The following TMTC2 variants were observed in gnomAD, a reference collection of about 807,000 sequenced individuals.
TMTC2 encodes transmembrane O-mannosyltransferase targeting cadherins 2, also known as protein O-mannosyl-transferase TMTC2.
A neutral mutation model predicts 82.4 loss-of-function variants in TMTC2; 43 were observed. The observed-to-expected ratio is 0.52, with a 90% CI of 0.41 to 0.67. TMTC2 has a LOEUF of 0.67. Among genes scored for constraint, TMTC2 ranks in the 30% least tolerant of loss-of-function variants. The pLI, the probability that TMTC2 is intolerant of heterozygous loss-of-function variation, is 0.00. For synonymous variants in TMTC2, 408 were observed against 381.9 expected, an observed-to-expected ratio of 1.07 and a Z score of -0.80; for missense variants, 919 against 1,012.4, an observed-to-expected ratio of 0.91 and a Z score of 1.25.
At chr12:83,038,930 T>G (rs1423924847) in intron 9 of TMTC2, among the ~76,000 whole-genome samples, 3 of 144,642 alleles carry the variant, frequency 2.1e-5, no homozygotes, top group Non-Finnish European at 4.6e-5. Context: ...CACCTTGGTT[T>G]TTTTTTTTTT....
At chr12:82,893,583 G>A (rs899719495) in intron 2 of TMTC2, among the ~76,000 whole-genome samples, 2 of 151,920 alleles carry the variant, frequency 1.3e-5, no homozygotes, top group African/African-American at 4.8e-5. Context: ...GCTTAAAATT[G>A]TCTAATTTCC....
At chr12:83,017,864 C>A (rs1323941232) in intron 8 of TMTC2, among the ~76,000 whole-genome samples, 1 of 150,304 alleles carries the variant, frequency 6.7e-6, no homozygotes, top group Non-Finnish European at 1.5e-5. Flanking sequence ...GACTGTTTAT[C>A]TTTACGGTGT....
chr12:82,741,293 G>C (rs112782369), intron 1 of TMTC2, among the ~76,000 whole-genome samples: 180 of 152,220 alleles, frequency 1.2e-3, no homozygotes, highest in African/African-American at 4.0e-3. Context: ...CCACAGCTCA[G>C]ATGTAGAGAA....
intron 1 of TMTC2, among the ~76,000 whole-genome samples, chr12:82,777,618 A>C (rs1430771235): frequency 6.6e-6 from 1 of 152,146 alleles, no homozygotes; most frequent in Non-Finnish European, 1.5e-5. Context: ...TTTCCCAATA[A>C]AATGTTCTGG....
intron 6 of TMTC2, 56 bp downstream of exon 6, chr12:82,965,800 G>T: frequency 6.2e-7 from 1 of 1,603,040 alleles, no homozygotes; most frequent in East Asian, 2.2e-5. Context: ...TCCAGTCTCA[G>T]TGGTTTGTAA....
intron 8 of TMTC2, among the ~76,000 whole-genome samples, chr12:82,988,947 T>A (rs1046670229): frequency 8.7e-5 from 13 of 149,558 alleles, no homozygotes; most frequent in African/African-American, 3.0e-4. Flanking sequence ...GGATCATCAG[T>A]CATATCAGGA....
At chr12:82,954,288 C>T (rs1035820944) in intron 4 of TMTC2, among the ~76,000 whole-genome samples, 1 of 151,978 alleles carries the variant, frequency 6.6e-6, no homozygotes, top group African/African-American at 2.4e-5. Flanking sequence ...TTCTCGTCTT[C>T]TCTAGGAACT....
chr12:82,992,953 A>C (rs1187796092), intron 8 of TMTC2, among the ~76,000 whole-genome samples: 1 of 152,124 alleles, frequency 6.6e-6, no homozygotes, highest in Non-Finnish European at 1.5e-5. Flanking sequence ...TTTCAGCTAT[A>C]TCTACATATA....
chr12:83,003,208 G>T (rs940928089), intron 8 of TMTC2, among the ~76,000 whole-genome samples: 1 of 152,054 alleles, frequency 6.6e-6, no homozygotes, highest in Non-Finnish European at 1.5e-5. Flanking sequence ...TTGGTTTAAC[G>T]TCTGTTTTAT....
At chr12:82,842,969 T>C (rs2137092284) in intron 1 of TMTC2, among the ~76,000 whole-genome samples, 1 of 152,188 alleles carries the variant, frequency 6.6e-6, no homozygotes, top group African/African-American at 2.4e-5. Flanking sequence ...AACATATGAA[T>C]TTGGGGGTGG....
intron 9 of TMTC2, among the ~76,000 whole-genome samples, chr12:83,036,746 T>C (rs1022342553): frequency 6.6e-6 from 1 of 152,190 alleles, no homozygotes; most frequent in Non-Finnish European, 1.5e-5. Flanking sequence ...TACCTGAGAC[T>C]GGGTAATTTA....
At chr12:83,032,260 TATATA>T (rs1565861603) in intron 9 of TMTC2, among the ~76,000 whole-genome samples, 2 of 7,646 alleles carry the variant, frequency 2.6e-4, no homozygotes, top group African/African-American at 7.0e-4. Context: ...GAATATTTTA[TATATA>T]TATATATATA....
At chr12:82,873,452 G>A (rs189248672) in intron 2 of TMTC2, among the ~76,000 whole-genome samples, 66 of 152,144 alleles carry the variant, frequency 4.3e-4, no homozygotes, top group Non-Finnish European at 7.8e-4. Context: ...GTATGGGTCA[G>A]TATGGTTGGA....
intron 1 of TMTC2, among the ~76,000 whole-genome samples, chr12:82,755,241 A>G (rs1202753785): frequency 6.6e-6 from 1 of 152,192 alleles, no homozygotes; most frequent in Non-Finnish European, 1.5e-5. Context: ...TGTTCTTTTA[A>G]GATATTGCAA....
intron 1 of TMTC2, among the ~76,000 whole-genome samples, chr12:82,815,404 G>A (rs1868644103): frequency 2.6e-5 from 4 of 151,770 alleles, no homozygotes; most frequent in South Asian, 4.2e-4. Context: ...TCTGCCTCCC[G>A]AGTTGACGCC....
intron 7 of TMTC2, among the ~76,000 whole-genome samples, chr12:82,984,064 AC>A (rs1173410439): frequency 6.6e-6 from 1 of 152,076 alleles, no homozygotes; most frequent in African/African-American, 2.4e-5. Context: ...AATTAAAAAA[AC>A]AATTTCTAAT....
intron 4 of TMTC2, among the ~76,000 whole-genome samples, chr12:82,955,141 G>T (rs753550514): frequency 1.3e-5 from 2 of 152,138 alleles, no homozygotes; most frequent in African/African-American, 4.8e-5. Context: ...TGCTGTGGAA[G>T]GCTGTTCTGT....
At chr12:82,761,512 TGTG>T (rs1876631254) in intron 1 of TMTC2, among the ~76,000 whole-genome samples, 2 of 152,228 alleles carry the variant, frequency 1.3e-5, no homozygotes, top group Admixed American at 6.5e-5. Flanking sequence ...CTGTCCCACA[TGTG>T]GTGGGATTCT....
chr12:82,996,110 G>A (rs1879604704), intron 8 of TMTC2, among the ~76,000 whole-genome samples: 1 of 152,110 alleles, frequency 6.6e-6, no homozygotes, highest in Admixed American at 6.5e-5. Context: ...CATTTTCTGT[G>A]TATATTTTTA....
Sources: allele counts gnomAD v4.1 joint callset (sites outside exome capture counted in the v4.1 genomes callset), GRCh38; gene constraint gnomAD v4.1.1; transcripts MANE v1.5; gene names NCBI Gene and HGNC (gene_info 2026-07-23, HGNC 2026-07-21).